MATN2: variants seen among roughly 807,000 people sequenced by gnomAD.
MATN2 encodes the protein matrilin-2.
A neutral mutation model predicts 103.2 loss-of-function variants in MATN2; 69 were observed. That is an observed-to-expected ratio of 0.67 (90% CI 0.55 to 0.82). The LOEUF (loss-of-function observed/expected upper bound fraction) is 0.82, where lower values mean the gene tolerates loss of function less well. MATN2 is among the 40% of genes least tolerant of loss of function. MATN2 has a pLI of 0.00. For missense variants in MATN2, 1,023 were observed against 1,211.5 expected (o/e 0.84, Z 2.31); for synonymous variants, 429 against 450.2 (o/e 0.95, Z 0.60).
chr8:97,942,507 A>G (rs1403381796), intron 4 of MATN2, among the ~76,000 whole-genome samples: 1 of 152,136 alleles, frequency 6.6e-6, no homozygotes, highest in East Asian at 1.9e-4. Flanking sequence ...GAGGTAGTCT[A>G]CCCCTTAAAG....
At chr8:98,000,448 T>G (rs547234763) in intron 7 of MATN2, among the ~76,000 whole-genome samples, 21 of 151,514 alleles carry the variant, frequency 1.4e-4, no homozygotes, top group African/African-American at 5.1e-4. Context: ...TATATAAAAA[T>G]TAGCCGGGTG....
intron 2 of MATN2, among the ~76,000 whole-genome samples, chr8:97,913,772 G>A (rs188633147): frequency 2.0e-5 from 3 of 151,236 alleles, no homozygotes; most frequent in Non-Finnish European, 2.9e-5. Context: ...GTGCCACCAC[G>A]CCCAGCTAAT....
At chr8:98,034,342 T>C in intron 18 of MATN2, 1 of 374,588 alleles carries the variant, frequency 2.7e-6, no homozygotes, top group South Asian at 1.9e-5. Context: ...TGCTCTAAAC[T>C]TAAAATTACA....
At chr8:97,871,170 G>C (rs1411802419) in intron 1 of MATN2, among the ~76,000 whole-genome samples, 1 of 152,230 alleles carries the variant, frequency 6.6e-6, no homozygotes, top group Non-Finnish European at 1.5e-5. Context: ...GTAGTTAAAA[G>C]TGTGGCCTGA....
intron 1 of MATN2, among the ~76,000 whole-genome samples, chr8:97,882,589 G>T (rs1000907105): frequency 6.6e-6 from 1 of 151,736 alleles, no homozygotes; most frequent in Non-Finnish European, 1.5e-5. Context: ...GTTTTGTAGC[G>T]ATGGGATTTC....
intron 13 of MATN2, among the ~76,000 whole-genome samples, chr8:98,024,469 C>T (rs370202331): frequency 7.2e-5 from 11 of 152,320 alleles, no homozygotes; most frequent in African/African-American, 2.6e-4. Flanking sequence ...CGCACCACTG[C>T]ACTCCAGCCT....
At chr8:97,996,717 GA>G (rs1812599878) in intron 7 of MATN2, among the ~76,000 whole-genome samples, 1 of 152,166 alleles carries the variant, frequency 6.6e-6, no homozygotes, top group African/African-American at 2.4e-5. Context: ...GCTGTAAACG[GA>G]AGCGAGTGCT....
chr8:98,011,484 GCAGAGCCAGGAC>G (rs1383441799), intron 10 of MATN2, among the ~76,000 whole-genome samples: 11 of 152,322 alleles, frequency 7.2e-5, no homozygotes, highest in African/African-American at 2.6e-4. Flanking sequence ...GGAGTCAGTG[GCAGAGCCAGGAC>G]CAGAGCCGAG....
chr8:97,959,082 T>C (rs1811226458), intron 4 of MATN2, among the ~76,000 whole-genome samples: 1 of 152,218 alleles, frequency 6.6e-6, no homozygotes, highest in Non-Finnish European at 1.5e-5. Flanking sequence ...CATAGTTTTC[T>C]TGGCACTTCT....
chr8:98,021,283 G>C lies in MATN2; in HGVS notation c.1898G>C (p.Cys633Ser). The change falls in exon 13 of 19, where the codon TGC (cysteine) becomes TCC (serine). Residue 633 changes from cysteine to serine, a missense_variant. Cys to Ser is a moderately radical substitution (Grantham distance 112). Coordinates refer to ENST00000254898, the MANE Select transcript of MATN2 (RefSeq NM_002380.5). ...VNNGNSYICK[C>S]SEGFVLAEDG... Reference sequence around the variant, plus strand: ...AATGGGAATTCCTACATCTGCAAATGCTCAGAGGGATTTGTTCTAGCTGAG... The same window carrying C: ...AATGGGAATTCCTACATCTGCAAATCCTCAGAGGGATTTGTTCTAGCTGAG... 1.9e-6 allele frequency: 3 copies of C among 1,613,656 alleles called. No homozygotes were observed. Among genetic ancestry groups the C allele is most frequent in the Non-Finnish European group, 1.7e-6 (2 of 1,179,622 alleles).
At chr8:97,903,727 G>A (rs566298502) in intron 2 of MATN2, among the ~76,000 whole-genome samples, 1 of 152,248 alleles carries the variant, frequency 6.6e-6, no homozygotes, top group South Asian at 2.1e-4. Context: ...TCTATTTTGG[G>A]GTCAGAATAT....
Position 97,882,511 on chromosome 8 carries a change from G to T in MATN2, c.-26-5564G>T, listed in dbSNP as rs572693333. Reference sequence around the variant, plus strand: ...GGGCTCAAGCGATTCTCCCACCTCAGCCCCTCCCTCGAGTAGCTGTTCTAA... The same window carrying T: ...GGGCTCAAGCGATTCTCCCACCTCATCCCCTCCCTCGAGTAGCTGTTCTAA... On this transcript the variant is annotated intron_variant, in intron 1 of 18. Transcript: ENST00000254898. Among the ~76,000 whole-genome samples, 91 of 151,818 alleles carry T rather than the reference G, an allele frequency of 6.0e-4. No individual in the cohort carries two copies. The South Asian group carries it at 0.018, about 30-fold the overall frequency.
chr8:97,965,406 T>C (rs1811447949), intron 5 of MATN2, among the ~76,000 whole-genome samples: 1 of 151,928 alleles, frequency 6.6e-6, no homozygotes, highest in African/African-American at 2.4e-5. Context: ...GAAGACCAGA[T>C]AGGAGATTGT....
chr8:97,971,585 C>A (rs1433094293), intron 5 of MATN2, among the ~76,000 whole-genome samples: 1 of 152,144 alleles, frequency 6.6e-6, no homozygotes, highest in Non-Finnish European at 1.5e-5. Flanking sequence ...CATTGCCATC[C>A]AAAACTATTT....
In MATN2 at chr8:97,909,998, C is replaced by T. The variant is rs186319554; in HGVS notation, c.143-20955C>T. On this transcript the variant is annotated intron_variant, in intron 2 of 18. Coordinates refer to ENST00000254898, the MANE Select transcript of MATN2 (RefSeq NM_002380.5). The stretch of plus-strand genomic sequence containing the variant: ...CGGGGTTTCACCGTGTTAGCCAGGA[C>T]GGTCTTGATCTCCTGACCTCGTGAT... Among the ~76,000 whole-genome samples the T allele has an allele frequency of 1.3e-3, 195 of 150,880 alleles. 2 individuals are homozygous for T. In the East Asian group the frequency reaches 0.026, roughly 20 times the overall value.
At position 98,007,355 on chromosome 8, in the gene MATN2, G is replaced by C; in HGVS notation, c.1451-124G>C. 1.9e-6 allele frequency: 3 copies of C among 1,550,674 alleles called. No homozygotes were observed. Among genetic ancestry groups the C allele is most frequent in the Non-Finnish European group, 2.6e-6 (3 of 1,136,164 alleles). On this transcript the variant is annotated intron_variant, in intron 9 of 18. Coordinates refer to ENST00000254898, the MANE Select transcript of MATN2 (RefSeq NM_002380.5). The surrounding 1 kb of genome is among the most constrained non-coding windows in gnomAD (Gnocchi z 4.2). The stretch of plus-strand genomic sequence containing the variant: ...CCCTTGCTCTGCTCCAGGAGATAGT[G>C]AGGATGTCCACTGGGACTGCATGCC...
At chr8:97,901,177 A>G (rs1818967724) in intron 2 of MATN2, among the ~76,000 whole-genome samples, 2 of 152,178 alleles carry the variant, frequency 1.3e-5, no homozygotes, top group South Asian at 4.1e-4. Context: ...ATTTGTCTCC[A>G]AAGTGAAGAA....
chr8:97,919,389 A>T (rs2513821), intron 2 of MATN2, among the ~76,000 whole-genome samples: 130,340 of 152,140 alleles, frequency 0.86, 56,034 homozygotes, highest in African/African-American at 0.93. Flanking sequence ...CCCGCCACCA[A>T]GCCTGCTAAT....
chr8:97,912,178 C>T (rs1809469591), intron 2 of MATN2, among the ~76,000 whole-genome samples: 1 of 152,184 alleles, frequency 6.6e-6, no homozygotes, highest in African/African-American at 2.4e-5. Context: ...AATTTGCAGA[C>T]CCTAAATGCT....
Sources: gnomAD v4.1 joint callset for allele counts (sites outside exome capture counted in the v4.1 genomes callset) on GRCh38, gnomAD v4.1.1 for gene constraint, Gnocchi (gnomAD v3.1) non-coding constraint, MANE v1.5 for transcripts, NCBI Gene and HGNC (gene_info 2026-07-23, HGNC 2026-07-21) for gene names.